Variants in COL4A5 observed in about 807,000 individuals in gnomAD.
COL4A5 encodes the protein collagen alpha-5(IV) chain.
A neutral mutation model predicts 130.2 loss-of-function variants in COL4A5; 26 were observed. The ratio of observed to expected loss-of-function variants is 0.20; its 90% CI spans 0.15 to 0.28. The LOEUF is 0.28. Ranked by LOEUF, COL4A5 falls within the 10% of genes least tolerant of loss-of-function variation. The pLI, the probability that COL4A5 is intolerant of heterozygous loss-of-function variation, is 1.00. For synonymous variants in COL4A5, 496 were observed against 439.6 expected, an observed-to-expected ratio of 1.13 and a Z score of -1.60; for missense variants, 1,131 against 1,344.3, an observed-to-expected ratio of 0.84 and a Z score of 2.48.
At chrX:108,617,197 T>C (rs967675798) in intron 30 of COL4A5, among the ~76,000 whole-genome samples, 1 of 111,442 alleles carries the variant, frequency 9.0e-6, no homozygotes, top group South Asian at 3.7e-4. Context: ...TAGAATATTA[T>C]CTTAGTTCAT....
chrX:108,464,221 A>G (rs1365371482), intron 1 of COL4A5, among the ~76,000 whole-genome samples: 5 of 111,861 alleles, frequency 4.5e-5, no homozygotes, highest in Non-Finnish European at 7.5e-5. Flanking sequence ...GCATTTTACC[A>G]TAGGAGGGAA....
chrX:108,459,799 A>G (rs1381986092), intron 1 of COL4A5, among the ~76,000 whole-genome samples: 1 of 112,049 alleles, frequency 8.9e-6, no homozygotes, highest in East Asian at 2.8e-4. Flanking sequence ...TAGCATAGAG[A>G]TATTTCTAAT....
At chrX:108,621,029 T>A (rs1263180598) in intron 31 of COL4A5, among the ~76,000 whole-genome samples, 9 of 110,853 alleles carry the variant, frequency 8.1e-5, no homozygotes, top group Non-Finnish European at 1.5e-4. Flanking sequence ...TTTCTTTCTT[T>A]TTCCCTTTCT....
rs769704984 is a variant in COL4A5, at chrX:108,695,041, T to G, written c.4821+120T>G. ...ATAAGAAGCTTAAACTTCAAACAGC[T>G]TCTATCCAAGCACTGTGTTCCCCCT... On this transcript the variant is annotated intron_variant, in intron 51 of 52. Coordinates refer to ENST00000328300, the MANE Select transcript of COL4A5 (RefSeq NM_033380.3). 5.9e-6 allele frequency: 4 copies of G among 681,446 alleles called. No individual in the cohort carries two copies. In the Admixed American group the frequency reaches 1.0e-4, roughly 17 times the overall value. The allele number at this position is 681,446 out of a possible 1,213,427, so 56.2% of individuals were successfully genotyped here.
chrX:108,537,434 A>T (rs2065472136), intron 1 of COL4A5, among the ~76,000 whole-genome samples: 1 of 111,984 alleles, frequency 8.9e-6, no homozygotes, highest in African/African-American at 3.2e-5. Context: ...ATTATACAAA[A>T]TTACTTGTAA....
intron 2 of COL4A5, among the ~76,000 whole-genome samples, 165 bp from the exon 3 acceptor site, chrX:108,558,899 C>A (rs774447010): frequency 8.9e-6 from 1 of 112,186 alleles, no homozygotes; most frequent in African/African-American, 3.2e-5. Flanking sequence ...GTGTTTTCTC[C>A]CCCCACATCT....
chrX:108,541,212 C>T (rs2065534711), intron 2 of COL4A5, among the ~76,000 whole-genome samples: 2 of 112,074 alleles, frequency 1.8e-5, no homozygotes, highest in Admixed American at 9.5e-5. Context: ...CTGCAGAACA[C>T]TTATTTGAGT....
chrX:108,616,673 G>A (rs1370449037), intron 30 of COL4A5, among the ~76,000 whole-genome samples: 1 of 111,251 alleles, frequency 9.0e-6, no homozygotes, highest in Non-Finnish European at 1.9e-5. Flanking sequence ...AATAAAAAAA[G>A]GAACACCATT....
At chrX:108,648,564 G>A (rs1403666154) in intron 36 of COL4A5, among the ~76,000 whole-genome samples, 2 of 111,757 alleles carry the variant, frequency 1.8e-5, no homozygotes, top group Non-Finnish European at 3.8e-5. Context: ...TTCATACCAA[G>A]GATGCAGTGA....
At chrX:108,562,561 G>C (rs1279995882) in intron 3 of COL4A5, among the ~76,000 whole-genome samples, 1 of 111,410 alleles carries the variant, frequency 9.0e-6, no homozygotes, top group African/African-American at 3.3e-5. Flanking sequence ...ATCTTTTTTT[G>C]TGATTTCATT....
At chrX:108,647,745 A>C (rs1188256115) in intron 36 of COL4A5, among the ~76,000 whole-genome samples, 1 of 111,804 alleles carries the variant, frequency 8.9e-6, no homozygotes, top group African/African-American at 3.3e-5. Flanking sequence ...TATTATTTTG[A>C]GATACATCCC....
intron 21 of COL4A5, among the ~76,000 whole-genome samples, chrX:108,592,824 T>C (rs755699299): frequency 1.8e-5 from 2 of 109,494 alleles, no homozygotes; most frequent in Non-Finnish European, 3.8e-5. Flanking sequence ...ATATAGAACA[T>C]TTTCAGGACC....
At chrX:108,463,532 A>G (rs1181445817) in intron 1 of COL4A5, among the ~76,000 whole-genome samples, 1 of 111,546 alleles carries the variant, frequency 9.0e-6, no homozygotes, top group East Asian at 2.8e-4. Flanking sequence ...GTTTTACTGA[A>G]GAAAGGATGT....
chrX:108,608,475 A>G (rs1395829480), intron 29 of COL4A5, among the ~76,000 whole-genome samples: 1 of 111,167 alleles, frequency 9.0e-6, no homozygotes, highest in African/African-American at 3.3e-5. Flanking sequence ...TTTTACTGTC[A>G]ACATTTTACT....
In COL4A5 at chrX:108,516,347, T is replaced by A. The variant is rs755546802; in HGVS notation, c.82-23399T>A. Among the ~76,000 whole-genome samples the A allele has an allele frequency of 4.5e-5, 5 of 112,080 alleles. No individual in the cohort carries two copies. The South Asian group carries it at 1.8e-3, about 41-fold the overall frequency. On this transcript the variant is annotated intron_variant, in intron 1 of 52. Transcript: ENST00000328300. ...TTTATGCTCAGCACAACTCTGAAGT[T>A]TTTATTCTTATTATCATGGTACTGT...
At chrX:108,669,856 G>A (rs2068162647) in intron 41 of COL4A5, among the ~76,000 whole-genome samples, 1 of 111,689 alleles carries the variant, frequency 9.0e-6, no homozygotes, top group South Asian at 3.7e-4. Flanking sequence ...CACACCTGAT[G>A]AGTGTTTGTG....
chrX:108,543,704 G>A (rs1270078545), intron 2 of COL4A5, among the ~76,000 whole-genome samples: 3 of 111,760 alleles, frequency 2.7e-5, no homozygotes, highest in African/African-American at 9.8e-5. Context: ...TGGGCAGTAT[G>A]GCCATTTTCA....
At chrX:108,459,824 C>A (rs2064624872) in intron 1 of COL4A5, among the ~76,000 whole-genome samples, 1 of 112,084 alleles carries the variant, frequency 8.9e-6, no homozygotes, top group Admixed American at 9.5e-5. Flanking sequence ...CCTGTGAAGT[C>A]TAAAAAGACT....
intron 7 of COL4A5, 26 bp downstream of exon 7, chrX:108,571,492 A>G: frequency 9.0e-7 from 1 of 1,109,254 alleles, no homozygotes; most frequent in Non-Finnish European, 1.2e-6. Flanking sequence ...TGGGATTATG[A>G]TGAACACAGG....
Sources: allele counts gnomAD v4.1 joint callset (sites outside exome capture counted in the v4.1 genomes callset), GRCh38; gene constraint gnomAD v4.1.1; transcripts MANE v1.5; gene names NCBI Gene and HGNC (gene_info 2026-07-23, HGNC 2026-07-21).